Variants in CGAS observed in about 807,000 individuals in gnomAD.
CGAS encodes 2'3'-cGAMP synthase.
In CGAS, 31 loss-of-function variants were observed where a neutral mutation model predicts 34.0. That is an observed-to-expected ratio of 0.91 (90% CI 0.69 to 1.23). The LOEUF (loss-of-function observed/expected upper bound fraction) is 1.23, where lower values mean the gene tolerates loss of function less well. Ranked by LOEUF, CGAS falls within the 50% of genes most tolerant of loss-of-function variation. CGAS has a pLI of 0.00. For missense variants in CGAS, 597 were observed against 657.6 expected (o/e 0.91, Z 1.01); for synonymous variants, 266 against 260.0 (o/e 1.02, Z -0.22).
chr6:73,445,330 C>T (rs1028253167), intron 2 of CGAS, among the ~76,000 whole-genome samples, 198 bp downstream of exon 2: 2 of 151,208 alleles, frequency 1.3e-5, no homozygotes, highest in African/African-American at 2.4e-5. Context: ...AGATAAAGAC[C>T]TCTACCCTTC....
rs1582660295 is a variant in CGAS, at chr6:73,451,989, C to G, written c.193G>C (p.Ala65Pro). 6.8e-7 allele frequency: 1 copy of G among 1,477,304 alleles called. No homozygotes were observed. The highest frequency in any genetic ancestry group is 9.0e-7 in the Non-Finnish European group (1 of 1,112,534). 91.5% of individuals were successfully genotyped at this position (1,477,304 alleles called of 1,614,324 possible). A position where few individuals can be genotyped will look rare whatever the true frequency, so the allele number is the denominator to read the frequency against. Residue 65 changes from alanine to proline, a missense_variant, in exon 1 of 5, where the codon GCC becomes CCC. Coordinates refer to ENST00000370315, the MANE Select transcript of CGAS (RefSeq NM_138441.3). ...RKSGSRQKKS[A>P]PDTQERPPVR... ...GGCGGCCTCTCCTGGGTGTCCGGGG[C>G]GCTCTTTTTCTGCCGGGATCCCGAC...
intron 3 of CGAS, among the ~76,000 whole-genome samples, chr6:73,436,775 A>G (rs1353452468): frequency 6.6e-6 from 1 of 150,540 alleles, no homozygotes; most frequent in Non-Finnish European, 1.5e-5. Context: ...CACCCACTTC[A>G]GCCTCCCAAA....
Position 73,451,902 on chromosome 6 carries a change from A to G in CGAS, c.280T>C (p.Ser94Pro). 1 of 1,528,332 alleles carries G rather than the reference A, an allele frequency of 6.5e-7. No homozygotes were observed. Among genetic ancestry groups the G allele is most frequent in the Non-Finnish European group, 8.8e-7 (1 of 1,134,190 alleles). The allele number at this position is 1,528,332 out of a possible 1,614,324, so 94.7% of individuals were successfully genotyped here. ...GCCCCAGGGGCGCTGGTGGCGTCAG[A>G]CGGCTGCGTGTCCTGGGCGCGCTGA... ...APQRAQDTQP[S>P]DATSAPGAEG... The change falls in exon 1 of 5, where the codon TCT becomes CCT. Residue 94 changes from serine to proline, a missense_variant. Transcript: ENST00000370315.
intron 1 of CGAS, among the ~76,000 whole-genome samples, chr6:73,447,473 A>G (rs1204632165): frequency 2.6e-5 from 4 of 152,186 alleles, no homozygotes; most frequent in African/African-American, 7.2e-5. Context: ...TAGTAGAGAC[A>G]GGGTTTTGCC....
chr6:73,427,278 CTTTATTTATTTATTTA>C (rs10628387), intron 4 of CGAS, among the ~76,000 whole-genome samples: 22 of 143,600 alleles, frequency 1.5e-4, no homozygotes, highest in Admixed American at 2.1e-4. Flanking sequence ...GGCCAACTTA[CTTTATTTATTTATTTA>C]TTTATTTATT....
At chr6:73,431,481 A>AAAC (rs1020200504) in intron 3 of CGAS, among the ~76,000 whole-genome samples, 11 of 152,110 alleles carry the variant, frequency 7.2e-5, no homozygotes, top group Admixed American at 5.9e-4. Flanking sequence ...CAAAAAAACA[A>AAAC]AACAACAACA....
At chr6:73,439,539 A>T (rs1367334995) in intron 3 of CGAS, among the ~76,000 whole-genome samples, 1 of 151,994 alleles carries the variant, frequency 6.6e-6, no homozygotes, top group Non-Finnish European at 1.5e-5. Flanking sequence ...TACCTTCAAA[A>T]ATATCACCAT....
intron 1 of CGAS, among the ~76,000 whole-genome samples, chr6:73,447,405 T>TCCCAAGTAG (rs1456715391): frequency 1.3e-5 from 2 of 152,110 alleles, no homozygotes; most frequent in Non-Finnish European, 2.9e-5. Flanking sequence ...TGCCTCAGCC[T>TCCCAAGTAG]CCCAAGTAGC....
intron 2 of CGAS, among the ~76,000 whole-genome samples, chr6:73,443,495 C>G (rs1249285437): frequency 1.3e-5 from 2 of 152,116 alleles, no homozygotes; most frequent in African/African-American, 4.8e-5. Flanking sequence ...GCCTCGGCCT[C>G]CCAAAGTGTT....
chr6:73,439,919 G>T, intron 3 of CGAS: 1 of 313,580 alleles, frequency 3.2e-6, no homozygotes, highest in Non-Finnish European at 6.0e-6. Context: ...TCAGGATTCA[G>T]AACCAGGGCA....
chr6:73,451,722 C>T lies in CGAS; in HGVS notation c.460G>A (p.Val154Ile). The T allele has an allele frequency of 6.2e-7, 1 of 1,613,402 alleles. No homozygotes were observed. The highest frequency in any genetic ancestry group is 8.5e-7 in the Non-Finnish European group (1 of 1,179,898). The part of the protein sequence containing the change: ...PGLPVSAPIL[V>I]RRDAAPGASK... Reference sequence around the variant, plus strand: ...GCCCCAGGCGCCGCATCCCTCCGTACGAGAATGGGGGCCGAGACCGGCAGG... The same window carrying T: ...GCCCCAGGCGCCGCATCCCTCCGTATGAGAATGGGGGCCGAGACCGGCAGG... The change falls in exon 1 of 5, where the codon GTA (valine) becomes ATA (isoleucine). Residue 154 changes from valine (V) to isoleucine (I), a missense_variant. Physicochemically the swap from Val to Ile is conservative, Grantham distance 29. Coordinates refer to ENST00000370315, the MANE Select transcript of CGAS (RefSeq NM_138441.3).
chr6:73,449,476 AAC>A (rs144519687), intron 1 of CGAS, among the ~76,000 whole-genome samples: 2,743 of 142,870 alleles, frequency 0.019, 61 homozygotes, highest in African/African-American at 0.058. Flanking sequence ...CTCTGTCTCA[AAC>A]ACACACACAC....
At position 73,452,142 on chromosome 6, in the gene CGAS, C is replaced by T. The variant is rs1405966339; in HGVS notation, c.40G>A (p.Glu14Lys). The T allele has an allele frequency of 6.2e-7, 1 of 1,608,040 alleles. No individual in the cohort carries two copies. Among genetic ancestry groups the T allele is most frequent in the South Asian group, 1.1e-5 (1 of 90,254 alleles). The change falls in exon 1 of 5, where the codon GAG becomes AAG. Residue 14 changes from glutamate to lysine, a missense_variant. Glu to Lys is a moderately conservative substitution (Grantham distance 56). Coordinates refer to ENST00000370315, the MANE Select transcript of CGAS (RefSeq NM_138441.3). ...GCCTTGGGGGCAGTGGCTCCGGCCTCGGAAGCTCTCTGCATGGCCTTTCCG... is the reference window on the plus strand; with the variant it reads ...GCCTTGGGGGCAGTGGCTCCGGCCTTGGAAGCTCTCTGCATGGCCTTTCCG... ...WHGKAMQRAS[E>K]AGATAPKASA...
At chr6:73,451,090 C>T (rs1770557586) in intron 1 of CGAS, among the ~76,000 whole-genome samples, 2 of 151,782 alleles carry the variant, frequency 1.3e-5, no homozygotes, top group Non-Finnish European at 2.9e-5. Context: ...GGGAGAGAAA[C>T]TGAAGATCTT....
Position 73,423,949 on chromosome 6 carries a change from C to G in CGAS, c.*1278G>C, listed in dbSNP as rs971874435. On this transcript the variant is annotated 3_prime_UTR_variant, in exon 5 of 5. Coordinates refer to ENST00000370315, the MANE Select transcript of CGAS (RefSeq NM_138441.3). ...ACTTCCCAAAACAATGAGAAGAAAA[C>G]TAACCCATAAGAAAATGTGCAAAAT... 3 of 152,026 alleles carry G rather than the reference C, an allele frequency of 2.0e-5. No homozygotes were observed. Among genetic ancestry groups the G allele is most frequent in the African/African-American group, 7.2e-5 (3 of 41,398 alleles). The allele number at this position is 152,026 out of a possible 1,614,324, so 9.4% of individuals were successfully genotyped here.
At position 73,451,728 on chromosome 6, in the gene CGAS, T is replaced by C; in HGVS notation, c.454A>G (p.Ile152Val). 6.2e-7 allele frequency: 1 copy of C among 1,612,902 alleles called. No individual in the cohort carries two copies. The highest frequency in any genetic ancestry group is 8.5e-7 in the Non-Finnish European group (1 of 1,179,726). Residue 152 changes from isoleucine to valine, a missense_variant, in exon 1 of 5, where the codon ATT (isoleucine) becomes GTT (valine). Ile to Val is a conservative substitution (Grantham distance 29, BLOSUM62 3). This residue lies in a region of CGAS where 321 missense variants were observed against 314.3 expected (regional missense o/e 1.02). Transcript: ENST00000370315. ...PSPGLPVSAP[I>V]LVRRDAAPGA... ...GGCGCCGCATCCCTCCGTACGAGAA[T>C]GGGGGCCGAGACCGGCAGGCCGGGG...
chr6:73,424,316 C>G lies in CGAS; in HGVS notation c.*911G>C, dbSNP rs1770047984. The G allele has an allele frequency of 6.6e-6, 1 of 151,992 alleles. No homozygotes were observed. The highest frequency in any genetic ancestry group is 6.6e-5 in the Admixed American group (1 of 15,216). The allele number at this position is 151,992 out of a possible 1,614,324, so 9.4% of individuals were successfully genotyped here. ...GGATGTGGTGGCGGGCACCTGTAGT[C>G]CCAGCTACTCGGAAGGCTGAGGCAG... is the stretch of plus-strand genomic sequence containing the variant. On this transcript the variant is annotated 3_prime_UTR_variant, in exon 5 of 5. Transcript: ENST00000370315.
chr6:73,425,249 A>C lies in CGAS; in HGVS notation c.1547T>G (p.Phe516Cys). 1 of 1,584,798 alleles carries C rather than the reference A, an allele frequency of 6.3e-7. No individual in the cohort carries two copies. Residue 516 changes from phenylalanine (F) to cysteine (C), a missense_variant, in exon 5 of 5, where the codon TTT (phenylalanine) becomes TGT (cysteine). Physicochemically the swap from Phe to Cys is radical, Grantham distance 205. Transcript: ENST00000370315. The stretch of plus-strand genomic sequence containing the variant: ...ATCTCAAAATTCATCAAAAACTGGA[A>C]ACTCATTGTTTCTTTCATATTCAAT... ...KQIEYERNNE[F>C]PVFDEF
chr6:73,448,149 T>C (rs2150018369), intron 1 of CGAS, among the ~76,000 whole-genome samples: 1 of 152,304 alleles, frequency 6.6e-6, no homozygotes, highest in East Asian at 1.9e-4. Flanking sequence ...CCCAGTACTT[T>C]GGGAGGCTGA....
Sources: gnomAD v4.1 joint callset for allele counts (sites outside exome capture counted in the v4.1 genomes callset) on GRCh38, gnomAD v4.1.1 for gene constraint, gnomAD v4.1.1 regional missense constraint, MANE v1.5 for transcripts, NCBI Gene and HGNC (gene_info 2026-07-23, HGNC 2026-07-21) for gene names.